MYO16: variants seen among roughly 807,000 people sequenced by gnomAD.
The protein encoded by MYO16 is unconventional myosin-XVI.
In MYO16, 94 loss-of-function variants were observed where a neutral mutation model predicts 205.3. The ratio of observed to expected loss-of-function variants is 0.46; its 90% CI spans 0.39 to 0.54. The LOEUF is 0.54. Among genes scored for constraint, MYO16 ranks in the 20% least tolerant of loss-of-function variants. The pLI, the probability that MYO16 is intolerant of heterozygous loss-of-function variation, is 0.00. For synonymous variants in MYO16, 988 were observed against 954.0 expected (o/e 1.04, Z -0.66); for missense variants, 2,315 against 2,387.5 (o/e 0.97, Z 0.63).
chr13:108,961,557 G>A lies in MYO16; in HGVS notation c.2056G>A (p.Val686Ile), dbSNP rs1382162294. Reference protein sequence around the residue: ...FSSLEVENLFVILAAILHLGD... With the variant: ...FSSLEVENLFIILAAILHLGD... ...TGCATAGGAGGTGGAGAATCTGTTC[G>A]TAATTCTAGCAGCAATATTGCACCT... Residue 686 changes from valine to isoleucine, a missense_variant, in exon 18 of 35, where the codon GTA becomes ATA. This residue lies in a region of MYO16 where 1,213 missense variants were observed against 1,274.4 expected (regional missense o/e 0.95). Coordinates refer to ENST00000457511, the MANE Select transcript of MYO16 (RefSeq NM_001198950.3). The A allele has an allele frequency of 3.7e-6, 6 of 1,613,620 alleles. No homozygotes were observed. Among genetic ancestry groups the A allele is most frequent in the South Asian group, 3.3e-5 (3 of 91,080 alleles).
intron 7 of MYO16, among the ~76,000 whole-genome samples, chr13:108,812,665 T>C (rs1887330076): frequency 6.6e-6 from 1 of 152,188 alleles, no homozygotes; most frequent in African/African-American, 2.4e-5. Context: ...TAATGGTTGC[T>C]ATGTGTCTCC....
chr13:108,610,446 A>G (rs77533960), intron 1 of MYO16, among the ~76,000 whole-genome samples: 1 of 152,096 alleles, frequency 6.6e-6, no homozygotes, highest in East Asian at 1.9e-4. Flanking sequence ...GGGCAAAAGT[A>G]CTCTTCTCTT....
Position 108,632,321 on chromosome 13 carries a change from A to G in MYO16, c.28+2449A>G, listed in dbSNP as rs16972822. ...TTCATTCTGAGCCAGATTTATCACC[A>G]TAGCACGTTCACTTTCAAGCCAGAC... On this transcript the variant is annotated intron_variant, in intron 1 of 34. Transcript: ENST00000457511. Among the ~76,000 whole-genome samples, 1,110 of 152,154 alleles carry G rather than the reference A, an allele frequency of 7.3e-3. 10 individuals are homozygous for G. Among genetic ancestry groups the G allele is most frequent in the African/African-American group, 0.025 (1,054 of 41,510 alleles).
intron 27 of MYO16, among the ~76,000 whole-genome samples, chr13:109,070,208 A>G (rs9521153): frequency 0.58 from 88,757 of 151,980 alleles, 25,951 homozygotes; most frequent in Admixed American, 0.61. Flanking sequence ...ACATACAGTC[A>G]TCCTATCTTT....
intron 27 of MYO16, among the ~76,000 whole-genome samples, chr13:109,059,057 A>G (rs1042551943): frequency 6.6e-6 from 1 of 152,028 alleles, no homozygotes; most frequent in Non-Finnish European, 1.5e-5. Context: ...CTCCACTTCT[A>G]ATTTTGGTTC....
the MYO16 span, among the ~76,000 whole-genome samples, chr13:108,564,699 TAG>T: frequency 6.6e-6 from 1 of 152,216 alleles, no homozygotes. Flanking sequence ...CTTACGCTTG[TAG>T]AATATTACTC....
intron 23 of MYO16, among the ~76,000 whole-genome samples, chr13:109,025,862 T>C (rs1886345528): frequency 6.6e-6 from 1 of 152,166 alleles, no homozygotes; most frequent in African/African-American, 2.4e-5. Flanking sequence ...CATTAAGTAA[T>C]AAAAATTGCA....
At chr13:108,923,681 C>G (rs68029671) in intron 16 of MYO16, among the ~76,000 whole-genome samples, 52,305 of 152,194 alleles carry the variant, frequency 0.34, 9,638 homozygotes, top group Admixed American at 0.45. Flanking sequence ...CTGCAGACCT[C>G]TCTTCCCCCT....
rs140657157 is a variant in MYO16 at position 109,160,969 on chromosome 13, G to A, written c.5165-3932G>A. On this transcript the variant is annotated intron_variant, in intron 32 of 34. Coordinates refer to ENST00000457511, the MANE Select transcript of MYO16 (RefSeq NM_001198950.3). The stretch of plus-strand genomic sequence containing the variant: ...TGTGTGCTAAGCTACCACTTTACGG[G>A]AGAACCCAACCATCCAGAGTTTCTG... Among the ~76,000 whole-genome samples the A allele has an allele frequency of 3.1e-3, 478 of 152,304 alleles. 2 individuals are homozygous for A. Among genetic ancestry groups the A allele is most frequent in the Non-Finnish European group, 5.3e-3 (363 of 68,034 alleles).
At chr13:109,046,097 TTGC>T (rs1887036542) in intron 23 of MYO16, among the ~76,000 whole-genome samples, 1 of 151,854 alleles carries the variant, frequency 6.6e-6, no homozygotes, top group Non-Finnish European at 1.5e-5. Flanking sequence ...TTCTTGGTTG[TTGC>T]TCACTCTTGC....
intron 23 of MYO16, among the ~76,000 whole-genome samples, chr13:109,026,494 C>G (rs1043134799): frequency 6.6e-6 from 1 of 152,006 alleles, no homozygotes. Flanking sequence ...GTGCTGGCCT[C>G]CAGTGGTGAG....
chr13:108,780,938 C>G (rs1156901576), intron 4 of MYO16, among the ~76,000 whole-genome samples: 4 of 152,152 alleles, frequency 2.6e-5, no homozygotes, highest in Non-Finnish European at 4.4e-5. Flanking sequence ...GTAAATGACC[C>G]CAGCTAAATT....
intron 10 of MYO16, among the ~76,000 whole-genome samples, chr13:108,844,806 T>C (rs1877430768): frequency 6.6e-6 from 1 of 152,240 alleles, no homozygotes; most frequent in Non-Finnish European, 1.5e-5. Flanking sequence ...TTATGTATTC[T>C]GTGTTTTCTT....
chr13:108,589,067 C>T, the MYO16 span, among the ~76,000 whole-genome samples: 11 of 152,288 alleles, frequency 7.2e-5, no homozygotes, highest in African/African-American at 2.2e-4. Flanking sequence ...AGCAATGGCA[C>T]AGGCAAAGGT....
chr13:109,015,345 G>C (rs1399520330), intron 22 of MYO16, among the ~76,000 whole-genome samples: 1 of 152,160 alleles, frequency 6.6e-6, no homozygotes, highest in Non-Finnish European at 1.5e-5. Flanking sequence ...TCTTTGATGT[G>C]CTGCTGGATT....
At chr13:108,821,842 G>A (rs895174767) in intron 8 of MYO16, among the ~76,000 whole-genome samples, 1 of 152,136 alleles carries the variant, frequency 6.6e-6, no homozygotes, top group African/African-American at 2.4e-5. Flanking sequence ...ATGCAAAGTC[G>A]ACCAGCAACC....
chr13:109,117,468 ATATG>A (rs1412217729), intron 28 of MYO16, among the ~76,000 whole-genome samples: 3 of 148,084 alleles, frequency 2.0e-5, no homozygotes, highest in South Asian at 4.2e-4. Context: ...GTATGTGTAT[ATATG>A]TATGTATATG....
At chr13:109,065,064 G>A (rs1887702442) in intron 27 of MYO16, among the ~76,000 whole-genome samples, 2 of 152,140 alleles carry the variant, frequency 1.3e-5, no homozygotes, top group South Asian at 4.1e-4. Flanking sequence ...GGCTGGGCTG[G>A]GGGATGCACA....
At chr13:108,785,782 T>G (rs765760470) in intron 5 of MYO16, 39 bp downstream of exon 5, 1 of 1,298,840 alleles carries the variant, frequency 7.7e-7, no homozygotes, top group Non-Finnish European at 1.1e-6. Flanking sequence ...AAAAATAGAT[T>G]GGGAGAATTG....
Sources: allele counts gnomAD v4.1 joint callset (sites outside exome capture counted in the v4.1 genomes callset), GRCh38; gene constraint gnomAD v4.1.1; regional missense constraint gnomAD v4.1.1; transcripts MANE v1.5; gene names NCBI Gene and HGNC (gene_info 2026-07-23, HGNC 2026-07-21).